PTK2: variants seen among roughly 807,000 people sequenced by gnomAD.
PTK2 encodes the protein protein tyrosine kinase 2, also known as focal adhesion kinase 1.
A neutral mutation model predicts 150.1 loss-of-function variants in PTK2; 45 were observed. The ratio of observed to expected loss-of-function variants is 0.30; its 90% confidence interval spans 0.24 to 0.38. The LOEUF (loss-of-function observed/expected upper bound fraction) is 0.38. Ranked by LOEUF, PTK2 falls within the 10% of genes least tolerant of loss-of-function variation. PTK2 has a pLI of 1.00. For synonymous variants in PTK2, 432 were observed against 449.2 expected, an observed-to-expected ratio of 0.96 and a Z score of 0.48; for missense variants, 919 against 1,307.3, an observed-to-expected ratio of 0.70 and a Z score of 4.58.
chr8:140,681,754 GCC>G (rs2100017112), intron 27 of PTK2, among the ~76,000 whole-genome samples: 7 of 152,174 alleles, frequency 4.6e-5, no homozygotes, highest in African/African-American at 1.7e-4. Context: ...TCCAGCCTGG[GCC>G]ACAGAGCGAG....
At chr8:140,799,008 TGAATA>T (rs1432862122) in intron 12 of PTK2, among the ~76,000 whole-genome samples, 2 of 152,230 alleles carry the variant, frequency 1.3e-5, no homozygotes, top group African/African-American at 4.8e-5. Context: ...GAAAAATATA[TGAATA>T]GGCTTATTGG....
At chr8:140,858,029 T>C (rs1450305549) in intron 5 of PTK2, among the ~76,000 whole-genome samples, 1 of 152,078 alleles carries the variant, frequency 6.6e-6, no homozygotes, top group East Asian at 1.9e-4. Context: ...AAAAGAAATA[T>C]TAATAAAAGG....
chr8:140,670,443 C>T lies in PTK2; in HGVS notation c.2710-2019G>A, dbSNP rs534179847. On this transcript the variant is annotated intron_variant, in intron 29 of 31. Coordinates refer to ENST00000522684, the Ensembl canonical transcript of PTK2. ...CTGTACTCCAGCCTGGGTGACAGAG[C>T]GACACTGTGTCTCAAAAAAAAAAAA... Among the ~76,000 whole-genome samples the T allele has an allele frequency of 2.2e-4, 24 of 108,000 alleles. No individual in the cohort carries two copies. In the East Asian group the frequency reaches 6.2e-3, roughly 28 times the overall value. The allele number at this position is 108,000 out of a possible 152,430, so 70.9% of individuals were successfully genotyped here.
At chr8:140,679,258 C>G (rs1589702558) in intron 27 of PTK2, among the ~76,000 whole-genome samples, 1 of 151,932 alleles carries the variant, frequency 6.6e-6, no homozygotes, top group African/African-American at 2.4e-5. Context: ...CTCCTGACCT[C>G]AGGTGATCTG....
intron 10 of PTK2, among the ~76,000 whole-genome samples, chr8:140,809,682 T>C (rs557037485): frequency 1.9e-4 from 29 of 152,300 alleles, no homozygotes; most frequent in Admixed American, 1.8e-3. Flanking sequence ...GGTGTGTACC[T>C]GTAGTCCCAG....
intron 1 of PTK2, among the ~76,000 whole-genome samples, chr8:140,929,260 C>T (rs1402536453): frequency 2.0e-5 from 3 of 151,994 alleles, no homozygotes; most frequent in Non-Finnish European, 2.9e-5. Context: ...CCACCGCGCC[C>T]GGCCACAATT....
At chr8:140,793,462 A>G (rs1255395549) in intron 12 of PTK2, 78 bp from the exon 13 acceptor site, 3 of 1,504,956 alleles carry the variant, frequency 2.0e-6, no homozygotes, top group African/African-American at 2.8e-5. Context: ...TCAGGGAGGA[A>G]GGATGAGGCC....
chr8:140,957,506 G>A (rs541446499), intron 1 of PTK2, among the ~76,000 whole-genome samples: 1 of 152,264 alleles, frequency 6.6e-6, no homozygotes, highest in East Asian at 1.9e-4. Flanking sequence ...TATAAACTTA[G>A]TGTACAGCCT....
chr8:140,876,278 C>T (rs2100145465), intron 4 of PTK2, among the ~76,000 whole-genome samples: 1 of 152,090 alleles, frequency 6.6e-6, no homozygotes, highest in African/African-American at 2.4e-5. Context: ...CCTTTGGTGG[C>T]AAATCCTCTA....
chr8:140,803,380 G>T (rs968515540), intron 11 of PTK2, among the ~76,000 whole-genome samples, 163 bp downstream of exon 11: 1 of 151,988 alleles, frequency 6.6e-6, no homozygotes, highest in Non-Finnish European at 1.5e-5. Flanking sequence ...TATTCTTGGG[G>T]ACATTTAATC....
At chr8:140,722,602 T>C (rs1262206649) in intron 22 of PTK2, among the ~76,000 whole-genome samples, 1 of 152,086 alleles carries the variant, frequency 6.6e-6, no homozygotes, top group Non-Finnish European at 1.5e-5. Flanking sequence ...GGAAAGGACC[T>C]GCGAATGGTC....
chr8:140,717,691 C>T (rs780132508), exon 23 of PTK2: 1 of 1,614,006 alleles, frequency 6.2e-7, no homozygotes, highest in Non-Finnish European at 8.5e-7. Context: ...GCTGAGCCTT[C>T]TCTTCCTCCA....
chr8:140,737,895 C>T (rs948935890), intron 21 of PTK2, among the ~76,000 whole-genome samples: 1 of 152,208 alleles, frequency 6.6e-6, no homozygotes, highest in Non-Finnish European at 1.5e-5. Flanking sequence ...ATCAACTGGA[C>T]TTCAGAGCTT....
intron 14 of PTK2, among the ~76,000 whole-genome samples, chr8:140,765,897 A>G (rs10095227): frequency 0.025 from 3,854 of 152,280 alleles, 62 homozygotes; most frequent in South Asian, 0.037. Flanking sequence ...GCCATTTGCA[A>G]TCATTTCTCT....
chr8:140,676,784 A>AAAAAAAAAAAAAAAAG (rs2100014092), intron 27 of PTK2, among the ~76,000 whole-genome samples: 1 of 146,370 alleles, frequency 6.8e-6, no homozygotes, highest in Non-Finnish European at 1.5e-5. Context: ...AAAAAAAAAA[A>AAAAAAAAAAAAAAAAG]AAAAATAGCC....
chr8:140,990,414 T>C (rs1469052576), intron 1 of PTK2, among the ~76,000 whole-genome samples: 4 of 151,946 alleles, frequency 2.6e-5, no homozygotes, highest in Admixed American at 6.6e-5. Flanking sequence ...ATTATTATTA[T>C]ATTCTTTGGG....
At chr8:140,748,599 G>GTAC (rs1320465263) in intron 17 of PTK2, among the ~76,000 whole-genome samples, 1 of 151,920 alleles carries the variant, frequency 6.6e-6, no homozygotes, top group Non-Finnish European at 1.5e-5. Context: ...TTATGGTCCT[G>GTAC]TACTACTACT....
intron 22 of PTK2, among the ~76,000 whole-genome samples, chr8:140,731,503 A>G (rs1290688686): frequency 6.6e-6 from 1 of 152,198 alleles, no homozygotes; most frequent in Non-Finnish European, 1.5e-5. Context: ...CTTGAGTCAC[A>G]GACATCACCT....
At chr8:140,735,522 A>C (rs1468895600) in intron 21 of PTK2, 67 bp from the exon 25 acceptor site, 1 of 1,525,334 alleles carries the variant, frequency 6.6e-7, no homozygotes, top group East Asian at 2.3e-5. Context: ...AGGTTCCAGG[A>C]ACATTGTTCT....
Sources: gnomAD v4.1 joint callset for allele counts (sites outside exome capture counted in the v4.1 genomes callset) on GRCh38, gnomAD v4.1.1 for gene constraint, MANE v1.5 for transcripts, NCBI Gene and HGNC (gene_info 2026-07-23, HGNC 2026-07-21) for gene names.